DOK6: variants seen among roughly 807,000 people sequenced by gnomAD.
DOK6 encodes downstream of tyrosine kinase 6.
A neutral mutation model predicts 44.0 loss-of-function variants in DOK6; 22 were observed. The observed-to-expected ratio is 0.50, with a 90% CI of 0.36 to 0.71. The LOEUF is 0.71. Among genes scored for constraint, DOK6 ranks in the 30% least tolerant of loss-of-function variants. DOK6 has a pLI of 0.00. For missense variants in DOK6, 340 were observed against 416.4 expected, an observed-to-expected ratio of 0.82 and a Z score of 1.60; for synonymous variants, 166 against 145.5, an observed-to-expected ratio of 1.14 and a Z score of -1.01.
chr18:69,769,619 C>A (rs1304452382), intron 7 of DOK6, among the ~76,000 whole-genome samples: 1 of 152,094 alleles, frequency 6.6e-6, no homozygotes, highest in Non-Finnish European at 1.5e-5. Flanking sequence ...ACATAAAAAG[C>A]AAATTATAGA....
chr18:69,690,685 A>G (rs1357058308), intron 4 of DOK6, among the ~76,000 whole-genome samples: 2 of 152,212 alleles, frequency 1.3e-5, no homozygotes, highest in African/African-American at 4.8e-5. Flanking sequence ...CAATGGGATG[A>G]ATCTAGATTC....
At chr18:69,814,427 A>G (rs1344503286) in intron 7 of DOK6, among the ~76,000 whole-genome samples, 1 of 152,176 alleles carries the variant, frequency 6.6e-6, no homozygotes, top group Non-Finnish European at 1.5e-5. Flanking sequence ...GATGGGAGAC[A>G]GTGACAGATC....
At position 69,707,621 on chromosome 18, in the gene DOK6, C is replaced by T. The variant is rs528451424; in HGVS notation, c.599+9028C>T. Among the ~76,000 whole-genome samples, 43 of 152,332 alleles carry T rather than the reference C, an allele frequency of 2.8e-4. 1 individual carries two copies. The highest frequency in any genetic ancestry group is 8.4e-4 in the African/African-American group (35 of 41,578). The stretch of plus-strand genomic sequence containing the variant: ...CGTGGTTTATGCAACTGGAACTGAT[C>T]TCTCACTCATGCTAGTCCACTCTGA... On this transcript the variant is annotated intron_variant, in intron 5 of 7. Coordinates refer to ENST00000382713, the MANE Select transcript of DOK6 (RefSeq NM_152721.6).
At chr18:69,418,439 G>A (rs1978397194) in intron 1 of DOK6, among the ~76,000 whole-genome samples, 1 of 152,018 alleles carries the variant, frequency 6.6e-6, no homozygotes, top group South Asian at 2.1e-4. Flanking sequence ...AATATGTAAA[G>A]TAGAATTTAT....
chr18:69,839,704 G>A (rs887886072), intron 7 of DOK6, among the ~76,000 whole-genome samples: 1 of 152,204 alleles, frequency 6.6e-6, no homozygotes. Context: ...GGAGGAGTGC[G>A]GGGCAGGACC....
chr18:69,748,881 A>G (rs1241059279), intron 6 of DOK6, among the ~76,000 whole-genome samples: 4 of 152,226 alleles, frequency 2.6e-5, no homozygotes, highest in Non-Finnish European at 4.4e-5. Context: ...CACTGTTCAC[A>G]ATAGCAAATA....
chr18:69,518,125 T>A (rs899217769), intron 1 of DOK6, among the ~76,000 whole-genome samples: 4 of 152,200 alleles, frequency 2.6e-5, no homozygotes, highest in Non-Finnish European at 5.9e-5. Flanking sequence ...TTACTTAGGA[T>A]GCTTTTCAGA....
chr18:69,712,665 C>T (rs544072053), intron 5 of DOK6, among the ~76,000 whole-genome samples: 12 of 152,118 alleles, frequency 7.9e-5, no homozygotes, highest in East Asian at 7.8e-4. Context: ...GCCAACATGG[C>T]GAAACCCCCC....
chr18:69,618,543 C>A, intron 3 of DOK6: 1 of 161,912 alleles, frequency 6.2e-6, no homozygotes, highest in Non-Finnish European at 1.3e-5. Context: ...AATGGACTCA[C>A]GGTTCCACGT....
At chr18:69,442,074 C>T (rs551106183) in intron 1 of DOK6, among the ~76,000 whole-genome samples, 13 of 152,034 alleles carry the variant, frequency 8.6e-5, no homozygotes, top group Non-Finnish European at 1.6e-4. Context: ...TGTACCAATC[C>T]TGCATAATTA....
At chr18:69,598,095 C>T (rs899588695) in intron 2 of DOK6, among the ~76,000 whole-genome samples, 5 of 151,966 alleles carry the variant, frequency 3.3e-5, no homozygotes, top group Admixed American at 1.3e-4. Flanking sequence ...TATTGGGGAT[C>T]TTAGTCTAGT....
intron 1 of DOK6, among the ~76,000 whole-genome samples, chr18:69,402,702 T>G (rs1229685662): frequency 1.3e-5 from 2 of 152,138 alleles, no homozygotes; most frequent in Non-Finnish European, 2.9e-5. Flanking sequence ...CAAGAGCGAG[T>G]GCGGAGCTGG....
chr18:69,614,605 A>T (rs1984241232), intron 3 of DOK6, among the ~76,000 whole-genome samples: 1 of 151,350 alleles, frequency 6.6e-6, no homozygotes, highest in Non-Finnish European at 1.5e-5. Flanking sequence ...CCCTGTTAGC[A>T]AATAGATGCT....
intron 2 of DOK6, among the ~76,000 whole-genome samples, chr18:69,588,315 A>G (rs1568304656): frequency 6.6e-6 from 1 of 152,208 alleles, no homozygotes; most frequent in Non-Finnish European, 1.5e-5. Context: ...AGAAAAAGAA[A>G]CTGGCTTCAA....
At chr18:69,609,895 G>T (rs570518064) in intron 3 of DOK6, among the ~76,000 whole-genome samples, 2 of 152,270 alleles carry the variant, frequency 1.3e-5, no homozygotes, top group East Asian at 3.9e-4. Context: ...AATCTTGAGA[G>T]CATTATATTA....
chr18:69,414,591 G>A (rs1472321558), intron 1 of DOK6, among the ~76,000 whole-genome samples: 1 of 152,072 alleles, frequency 6.6e-6, no homozygotes, highest in African/African-American at 2.4e-5. Flanking sequence ...TGGGGTTTGT[G>A]TGTGAGGTAG....
At chr18:69,649,504 C>A (rs927075697) in intron 3 of DOK6, among the ~76,000 whole-genome samples, 1 of 152,070 alleles carries the variant, frequency 6.6e-6, no homozygotes, top group Non-Finnish European at 1.5e-5. Context: ...GATAAATGAA[C>A]GTAATTTATC....
intron 1 of DOK6, among the ~76,000 whole-genome samples, chr18:69,436,387 A>G (rs1978980932): frequency 6.6e-6 from 1 of 151,444 alleles, no homozygotes; most frequent in South Asian, 2.1e-4. Flanking sequence ...TCATTGTTCA[A>G]CTCCCATTTA....
intron 6 of DOK6, among the ~76,000 whole-genome samples, chr18:69,746,842 G>C (rs1979002217): frequency 6.6e-6 from 1 of 152,138 alleles, no homozygotes; most frequent in African/African-American, 2.4e-5. Context: ...GTTCTGTCTT[G>C]AACATGAGAA....
Sources: allele counts gnomAD v4.1 joint callset (sites outside exome capture counted in the v4.1 genomes callset), GRCh38; gene constraint gnomAD v4.1.1; transcripts MANE v1.5; gene names NCBI Gene and HGNC (gene_info 2026-07-23, HGNC 2026-07-21).